Variants in TXNDC16 observed in about 807,000 individuals in gnomAD.
TXNDC16 encodes thioredoxin domain-containing protein 16.
TXNDC16 carries 74 observed loss-of-function variants against 85.6 expected under a neutral mutation model. The observed-to-expected ratio is 0.86, with a 90% CI of 0.72 to 1.05. TXNDC16 has a LOEUF of 1.05. Ranked by LOEUF, TXNDC16 falls within the 50% of genes least tolerant of loss-of-function variation. The pLI is 0.00. For synonymous variants in TXNDC16, 335 were observed against 326.5 expected, an observed-to-expected ratio of 1.03 and a Z score of -0.28; for missense variants, 959 against 947.0, an observed-to-expected ratio of 1.01 and a Z score of -0.17.
intron 20 of TXNDC16, among the ~76,000 whole-genome samples, chr14:52,437,004 T>C (rs1391527182): frequency 6.6e-6 from 1 of 152,148 alleles, no homozygotes; most frequent in Non-Finnish European, 1.5e-5. Flanking sequence ...CAATATACTA[T>C]AATAATCTAG....
chr14:52,439,830 G>C (rs2035124772), intron 19 of TXNDC16, among the ~76,000 whole-genome samples: 1 of 152,010 alleles, frequency 6.6e-6, no homozygotes, highest in Non-Finnish European at 1.5e-5. Flanking sequence ...CTCAGGAAAA[G>C]GCATTAATTT....
chr14:52,518,901 T>C (rs960482895), intron 7 of TXNDC16, among the ~76,000 whole-genome samples: 3 of 152,164 alleles, frequency 2.0e-5, no homozygotes, highest in Non-Finnish European at 4.4e-5. Flanking sequence ...ACAATTTATT[T>C]TCCCCATCTT....
At chr14:52,488,543 T>A in intron 11 of TXNDC16, 57 bp from the exon 12 acceptor site, 1 of 1,437,054 alleles carries the variant, frequency 7.0e-7, no homozygotes, top group South Asian at 1.3e-5. Context: ...GACATAAAAA[T>A]GTTTTACTTG....
At chr14:52,519,415 A>G (rs1454031443) in intron 6 of TXNDC16, 122 bp from the exon 7 acceptor site, 9 of 694,702 alleles carry the variant, frequency 1.3e-5, no homozygotes, top group Non-Finnish European at 2.1e-5. Context: ...ATCAGTAGTA[A>G]TAATGTAAGC....
At chr14:52,439,008 AG>A in intron 20 of TXNDC16, among the ~76,000 whole-genome samples, 195 bp downstream of exon 20, 1 of 152,336 alleles carries the variant, frequency 6.6e-6, no homozygotes, top group Non-Finnish European at 1.5e-5. Flanking sequence ...TTAAAATTCA[AG>A]AAACAGGCCT....
chr14:52,475,617 C>G (rs1209931857), intron 14 of TXNDC16, among the ~76,000 whole-genome samples: 1 of 152,116 alleles, frequency 6.6e-6, no homozygotes, highest in Non-Finnish European at 1.5e-5. Context: ...GAACATAACT[C>G]CATTGACCTG....
intron 20 of TXNDC16, among the ~76,000 whole-genome samples, chr14:52,437,575 A>C (rs2140099407): frequency 6.6e-6 from 1 of 152,236 alleles, no homozygotes; most frequent in East Asian, 1.9e-4. Context: ...AGTTAAAAAA[A>C]AGCTTCTTCA....
At chr14:52,438,088 T>C (rs1181646606) in intron 20 of TXNDC16, among the ~76,000 whole-genome samples, 1 of 152,212 alleles carries the variant, frequency 6.6e-6, no homozygotes, top group African/African-American at 2.4e-5. Flanking sequence ...CTTGAACGGA[T>C]GCTTCTCATG....
At chr14:52,546,833 T>G (rs149322497) in intron 1 of TXNDC16, among the ~76,000 whole-genome samples, 1 of 152,210 alleles carries the variant, frequency 6.6e-6, no homozygotes, top group Non-Finnish European at 1.5e-5. Flanking sequence ...CCAAGCAGCA[T>G]AGAAACTGTT....
intron 14 of TXNDC16, among the ~76,000 whole-genome samples, chr14:52,478,216 C>T (rs1162743523): frequency 6.6e-6 from 1 of 151,958 alleles, no homozygotes; most frequent in African/African-American, 2.4e-5. Flanking sequence ...TAACTGCTTA[C>T]ATCAAAGTCT....
chr14:52,482,443 TAAG>T (rs1424289966), intron 13 of TXNDC16, among the ~76,000 whole-genome samples, 154 bp from the exon 14 acceptor site: 3 of 152,086 alleles, frequency 2.0e-5, no homozygotes, highest in Non-Finnish European at 4.4e-5. Context: ...TCCAACCACT[TAAG>T]AGAGTTTCAA....
At chr14:52,483,726 G>C (rs1462289949) in intron 12 of TXNDC16, among the ~76,000 whole-genome samples, 1 of 152,160 alleles carries the variant, frequency 6.6e-6, no homozygotes, top group East Asian at 1.9e-4. Flanking sequence ...CCTTCCTTTA[G>C]ATAGACCAAT....
chr14:52,454,417 ACT>A (rs1274481086), intron 18 of TXNDC16, among the ~76,000 whole-genome samples: 3 of 147,802 alleles, frequency 2.0e-5, no homozygotes, highest in East Asian at 4.0e-4. Flanking sequence ...CGGAAGTGAA[ACT>A]CTGTCTAAAA....
At position 52,482,210 on chromosome 14, in the gene TXNDC16, T is replaced by C; in HGVS notation, c.1312+20A>G. ...CAGCTTAGAATCAGAATAATAAGCA[T>C]GCATAGCACAGTACACTACCTTTCA... On this transcript the variant is annotated intron_variant, in intron 14 of 20. Coordinates refer to ENST00000281741, the MANE Select transcript of TXNDC16 (RefSeq NM_020784.3). 2 of 1,589,042 alleles carry C rather than the reference T, an allele frequency of 1.3e-6. No homozygotes were observed. The highest frequency in any genetic ancestry group is 1.8e-5 in the Admixed American group (1 of 56,096).
intron 9 of TXNDC16, among the ~76,000 whole-genome samples, chr14:52,497,369 T>C (rs1322107878): frequency 4.6e-5 from 7 of 152,146 alleles, no homozygotes; most frequent in African/African-American, 1.7e-4. Flanking sequence ...CAGGACCAGA[T>C]AGCTTCAATG....
chr14:52,532,405 A>T (rs1466458371), intron 6 of TXNDC16, among the ~76,000 whole-genome samples: 2 of 152,152 alleles, frequency 1.3e-5, no homozygotes, highest in East Asian at 3.9e-4. Flanking sequence ...AACATAATTT[A>T]AAAATGGACA....
Position 52,491,968 on chromosome 14 carries a change from C to CA in TXNDC16, c.757-964dup, listed in dbSNP as rs2036418020. 2.6e-5 allele frequency among the ~76,000 whole-genome samples: 4 copies of CA among 152,084 alleles called. No individual in the cohort carries two copies. The South Asian group carries it at 8.3e-4, about 32-fold the overall frequency. On this transcript the variant is annotated intron_variant, in intron 9 of 20. Coordinates refer to ENST00000281741, the MANE Select transcript of TXNDC16 (RefSeq NM_020784.3). ...AATCCTAAAATTGCTCAGGAACTGT[C>CA]AGTGTTAGGCATGTCTGGACCTGGG...
At chr14:52,542,963 T>C (rs139698614) in intron 3 of TXNDC16, among the ~76,000 whole-genome samples, 2 of 152,302 alleles carry the variant, frequency 1.3e-5, no homozygotes, top group African/African-American at 4.8e-5. Flanking sequence ...GTTAATTCAG[T>C]ATAATTAACA....
chr14:52,551,864 C>T (rs894906163), intron 1 of TXNDC16, among the ~76,000 whole-genome samples: 75 of 152,212 alleles, frequency 4.9e-4, no homozygotes, highest in African/African-American at 1.8e-3. Flanking sequence ...TCCAGGCAAT[C>T]ATCATACTTA....
Sources: allele counts gnomAD v4.1 joint callset (sites outside exome capture counted in the v4.1 genomes callset), GRCh38; gene constraint gnomAD v4.1.1; transcripts MANE v1.5; gene names NCBI Gene and HGNC (gene_info 2026-07-23, HGNC 2026-07-21).